ZNF250: variants seen among roughly 807,000 people sequenced by gnomAD.
ZNF250 encodes the protein zinc finger protein 250, also known as zinc finger protein (clone 647).
In ZNF250, 13 loss-of-function variants were observed where a neutral mutation model predicts 37.1. That is an observed-to-expected ratio of 0.35 (90% CI 0.23 to 0.56). The LOEUF (loss-of-function observed/expected upper bound fraction) is 0.56. ZNF250 is among the 20% of genes least tolerant of loss of function. ZNF250 has a pLI of 0.87. For synonymous variants in ZNF250, 251 were observed against 265.6 expected (o/e 0.94, Z 0.54); for missense variants, 474 against 697.9 (o/e 0.68, Z 3.61).
chr8:144,880,192 G>C lies in ZNF250; in HGVS notation c.*1323C>G, dbSNP rs903127089. 2 of 231,860 alleles carry C rather than the reference G, an allele frequency of 8.6e-6. No individual in the cohort carries two copies. The highest frequency in any genetic ancestry group is 4.9e-5 in the Admixed American group (1 of 20,450). 14.4% of individuals were successfully genotyped at this position (231,860 alleles called of 1,614,324 possible). A position where few individuals can be genotyped will look rare whatever the true frequency, so the allele number is the denominator to read the frequency against. On this transcript the variant is annotated 3_prime_UTR_variant, in exon 6 of 6. Coordinates refer to ENST00000417550, the MANE Select transcript of ZNF250 (RefSeq NM_001109689.4). ...CAATGGATACTGGACTCTTGAACCA[G>C]GAGTAAAAAAATGAAAAAAAAAACC...
chr8:144,879,895 A>C lies in ZNF250; in HGVS notation c.*1620T>G, dbSNP rs1312253764. ...AGCCTGGCCAACATGGTGAAACCTC[A>C]TCTCTACTAAAAATACGAAAATTAG... On this transcript the variant is annotated 3_prime_UTR_variant, in exon 6 of 6. Transcript: ENST00000417550. 1 of 152,362 alleles carries C rather than the reference A, an allele frequency of 6.6e-6. No homozygotes were observed. Among genetic ancestry groups the C allele is most frequent in the Admixed American group, 6.5e-5 (1 of 15,274 alleles). 9.4% of individuals were successfully genotyped at this position (152,362 alleles called of 1,614,324 possible). A position where few individuals can be genotyped will look rare whatever the true frequency, so the allele number is the denominator to read the frequency against.
chr8:144,894,958 C>T (rs1156629123), intron 1 of ZNF250, among the ~76,000 whole-genome samples: 1 of 152,134 alleles, frequency 6.6e-6, no homozygotes, highest in African/African-American at 2.4e-5. Flanking sequence ...GAACACCACA[C>T]CCGGCCTGTT....
At chr8:144,902,151 T>TCCGTCGCCCACTCGG (rs1833140500), upstream of ZNF250, 1 of 152,280 alleles carries the variant, frequency 6.6e-6, no homozygotes, top group Non-Finnish European at 1.5e-5. Flanking sequence ...AGCGACCGTC[T>TCCGTCGCCCACTCGG]CCGTCGCCCA....
Position 144,881,766 on chromosome 8 carries a change from G to A in ZNF250, c.1417C>T (p.Pro473Ser). The A allele has an allele frequency of 6.2e-7, 1 of 1,614,164 alleles. No homozygotes were observed. Among genetic ancestry groups the A allele is most frequent in the East Asian group, 2.2e-5 (1 of 44,882 alleles). ...TTGCCACATTCTGTGCACTGGAAGG[G>A]CTTTTCACCTGTGTGGATTCTCTCA... is the stretch of plus-strand genomic sequence containing the variant. ...QHERIHTGEK[P>S]FQCTECGKAF... The change falls in exon 6 of 6, where the codon CCC becomes TCC. Residue 473 changes from proline (P) to serine (S), a missense_variant. Around this residue, in one of 2 missense-constraint regions of ZNF250, gnomAD observed 282 missense variants for 470.4 expected, o/e 0.60. Transcript: ENST00000417550.
In ZNF250 at chr8:144,877,632, C is replaced by T. The variant is rs1005969000; in HGVS notation, c.*3883G>A. Reference sequence around the variant, plus strand: ...CAAGAAAATGTAGCCTGGGAATCCTCCTCAGAAAGAAGGGCATTGAAGCCC... The same window carrying T: ...CAAGAAAATGTAGCCTGGGAATCCTTCTCAGAAAGAAGGGCATTGAAGCCC... On this transcript the variant is annotated 3_prime_UTR_variant, in exon 6 of 6. Coordinates refer to ENST00000417550, the MANE Select transcript of ZNF250 (RefSeq NM_001109689.4). 8.5e-5 allele frequency: 13 copies of T among 152,206 alleles called. No homozygotes were observed. The highest frequency in any genetic ancestry group is 1.3e-4 in the Non-Finnish European group (9 of 68,048). 9.4% of individuals were successfully genotyped at this position (152,206 alleles called of 1,614,324 possible).
In ZNF250 at chr8:144,886,942, T is replaced by A. The variant is rs546658087; in HGVS notation, c.284-40A>T. Reference sequence around the variant, plus strand: ...GCGAGTTGAAGTGACAACAAAATACTCCCTTCAAGAGTGGAAAATCCTGGC... The same window carrying A: ...GCGAGTTGAAGTGACAACAAAATACACCCTTCAAGAGTGGAAAATCCTGGC... On this transcript the variant is annotated intron_variant, in intron 4 of 5. Coordinates refer to ENST00000417550, the MANE Select transcript of ZNF250 (RefSeq NM_001109689.4). The A allele has an allele frequency of 1.3e-5, 20 of 1,590,116 alleles. No homozygotes were observed. The South Asian group carries it at 1.9e-4, about 15-fold the overall frequency.
rs758438014 is a variant in ZNF250, at chr8:144,889,703, G to C, written c.170-9C>G. 1 of 1,611,762 alleles carries C rather than the reference G, an allele frequency of 6.2e-7. No individual in the cohort carries two copies. ...CTTGGATCCTGGAAGTCCTGCTCGTGGGGAGGGAAGTCTTTGTTTACACAA... is the reference window on the plus strand; with the variant it reads ...CTTGGATCCTGGAAGTCCTGCTCGTCGGGAGGGAAGTCTTTGTTTACACAA... On this transcript the variant is annotated splice_polypyrimidine_tract_variant and intron_variant, in intron 3 of 5. Coordinates refer to ENST00000417550, the MANE Select transcript of ZNF250 (RefSeq NM_001109689.4).
rs952635289 is a variant in ZNF250 at position 144,882,595 on chromosome 8, A to G, written c.588T>C (p.Cys196=). ...GGCCAAAGCACTTCCCACACTCAACACACATGTAGGGCCTCTCTCCACTAG... is the reference window on the plus strand; with the variant it reads ...GGCCAAAGCACTTCCCACACTCAACGCACATGTAGGGCCTCTCTCCACTAG... ...AVPSGERPYM[C]VECGKCFGRS... The change falls in exon 6 of 6, where the codon TGT becomes TGC. Residue 196 remains cysteine (C), a synonymous_variant. Transcript: ENST00000417550. The surrounding 1 kb of genome is among the most constrained non-coding windows in gnomAD (Gnocchi z 5.5). 1.9e-6 allele frequency: 3 copies of G among 1,613,934 alleles called. No homozygotes were observed. The highest frequency in any genetic ancestry group is 2.5e-6 in the Non-Finnish European group (3 of 1,180,000).
At chr8:144,888,850 G>A (rs1399066786) in intron 4 of ZNF250, among the ~76,000 whole-genome samples, 2 of 152,046 alleles carry the variant, frequency 1.3e-5, no homozygotes, top group Non-Finnish European at 2.9e-5. Flanking sequence ...CCGGGTTCAC[G>A]CCATGAATCT....
At chr8:144,885,371 T>C (rs1424882180) in intron 5 of ZNF250, among the ~76,000 whole-genome samples, 3 of 152,214 alleles carry the variant, frequency 2.0e-5, no homozygotes, top group Non-Finnish European at 2.9e-5. Flanking sequence ...TCCATCTGCC[T>C]CGGCCTCCCA....
chr8:144,889,250 ACT>A (rs1351684173), intron 4 of ZNF250, among the ~76,000 whole-genome samples: 2 of 152,318 alleles, frequency 1.3e-5, no homozygotes, highest in East Asian at 1.9e-4. Context: ...TCATCAGGTA[ACT>A]CTCAAAACCT....
rs762257672 is a variant in ZNF250, at chr8:144,882,664, C to G, written c.519G>C (p.Gln173His). The G allele has an allele frequency of 1.0e-4, 167 of 1,613,882 alleles. No individual in the cohort carries two copies. Among genetic ancestry groups the G allele is most frequent in the Non-Finnish European group, 1.3e-4 (154 of 1,179,892 alleles). ...TGAGTGGCATGCTTTGGCTTAAGAC[C>G]TGAACTTCACGGTGGTCAACAGAGT... ...SPNSVDHREVQVLSQSMPLTP... is the reference protein window; with the variant it reads ...SPNSVDHREVHVLSQSMPLTP... The change falls in exon 6 of 6, where the codon CAG becomes CAC. Residue 173 changes from glutamine (Q) to histidine (H), a missense_variant. Around this residue, in one of 2 missense-constraint regions of ZNF250, gnomAD observed 192 missense variants for 227.5 expected, o/e 0.84. Coordinates refer to ENST00000417550, the MANE Select transcript of ZNF250 (RefSeq NM_001109689.4). This position sits in a 1 kb window ranked among gnomAD's most constrained non-coding sequence, Gnocchi z 5.5.
Position 144,880,878 on chromosome 8 carries a change from C to T in ZNF250, c.*637G>A, listed in dbSNP as rs1831421324. The stretch of plus-strand genomic sequence containing the variant: ...GCAAGACTATCTCCACACACACATA[C>T]AAAAAGTTTTTTAAATTTATGTAAT... On this transcript the variant is annotated 3_prime_UTR_variant, in exon 6 of 6. Transcript: ENST00000417550. The T allele has an allele frequency of 6.2e-6, 1 of 161,984 alleles. No homozygotes were observed. Among genetic ancestry groups the T allele is most frequent in the Admixed American group, 5.9e-5 (1 of 16,860 alleles). The allele number at this position is 161,984 out of a possible 1,614,324, so 10.0% of individuals were successfully genotyped here.
chr8:144,889,560 G>A (rs1282633431), intron 4 of ZNF250, 21 bp downstream of exon 4: 4 of 1,597,754 alleles, frequency 2.5e-6, no homozygotes, highest in Non-Finnish European at 3.4e-6. Context: ...AGTGAGGGAG[G>A]GGCCAGCTCT....
chr8:144,887,595 T>G (rs1346941749), intron 4 of ZNF250, among the ~76,000 whole-genome samples: 1 of 152,152 alleles, frequency 6.6e-6, no homozygotes, highest in Non-Finnish European at 1.5e-5. Context: ...CCAGAGAATT[T>G]CACAGTCTCT....
chr8:144,888,191 G>A (rs1252515169), intron 4 of ZNF250, among the ~76,000 whole-genome samples: 4 of 152,120 alleles, frequency 2.6e-5, no homozygotes, highest in Non-Finnish European at 5.9e-5. Context: ...TCCATCTAAA[G>A]GTCTTGTACA....
At position 144,882,148 on chromosome 8, in the gene ZNF250, C is replaced by T; in HGVS notation, c.1035G>A (p.Val345=). The T allele has an allele frequency of 6.2e-7, 1 of 1,613,230 alleles. No individual in the cohort carries two copies. Residue 345 remains valine (V), a synonymous_variant, in exon 6 of 6, where the codon GTG becomes GTA. Coordinates refer to ENST00000417550, the MANE Select transcript of ZNF250 (RefSeq NM_001109689.4). The surrounding 1 kb of genome is among the most constrained non-coding windows in gnomAD (Gnocchi z 5.5). The part of the protein sequence containing the change: ...RCNECGKTFS[V]KRTLLQHQRI... ...TCTGGTGCTGCAGCAGTGTCCTCTT[C>T]ACACTGAAGGTTTTCCCACACTCAT...
intron 5 of ZNF250, among the ~76,000 whole-genome samples, chr8:144,883,346 T>C (rs868342758): frequency 6.6e-6 from 1 of 151,706 alleles, no homozygotes; most frequent in African/African-American, 2.4e-5. Context: ...TAATTTCTTT[T>C]TTTTTTTTTT....
intron 1 of ZNF250, among the ~76,000 whole-genome samples, chr8:144,900,066 G>T (rs1476551882): frequency 6.6e-6 from 1 of 152,024 alleles, no homozygotes; most frequent in Non-Finnish European, 1.5e-5. Flanking sequence ...AACATACATG[G>T]AAAAAAATAT....
Sources: allele counts gnomAD v4.1 joint callset (sites outside exome capture counted in the v4.1 genomes callset), GRCh38; gene constraint gnomAD v4.1.1; regional missense constraint gnomAD v4.1.1; non-coding constraint Gnocchi (gnomAD v3.1); transcripts MANE v1.5; gene names NCBI Gene and HGNC (gene_info 2026-07-23, HGNC 2026-07-21).